MINDY2: variants seen among roughly 807,000 people sequenced by gnomAD.
The protein encoded by MINDY2 is ubiquitin carboxyl-terminal hydrolase MINDY-2.
In MINDY2, 52 loss-of-function variants were observed where a neutral mutation model predicts 68.2. That is an observed-to-expected ratio of 0.76 (90% CI 0.61 to 0.96). The LOEUF (loss-of-function observed/expected upper bound fraction) is 0.96. MINDY2 is among the 40% of genes least tolerant of loss of function. The probability of loss-of-function intolerance (pLI) is 0.00; values close to 1 mark genes in which losing one functional copy is unlikely to be tolerated. For missense variants in MINDY2, 881 were observed against 773.4 expected, an observed-to-expected ratio of 1.14 and a Z score of -1.65; for synonymous variants, 372 against 303.0, an observed-to-expected ratio of 1.23 and a Z score of -2.36.
intron 4 of MINDY2, among the ~76,000 whole-genome samples, chr15:58,816,975 A>AG (rs2030728627): frequency 6.6e-6 from 1 of 151,628 alleles, no homozygotes; most frequent in South Asian, 2.1e-4. Flanking sequence ...ACAAACATGG[A>AG]GGGGGAAAAA....
chr15:58,829,962 C>T (rs2031622575), intron 5 of MINDY2, among the ~76,000 whole-genome samples: 1 of 152,078 alleles, frequency 6.6e-6, no homozygotes, highest in African/African-American at 2.4e-5. Flanking sequence ...AGTTTCATAC[C>T]ACAGATTTAT....
In MINDY2 at chr15:58,794,980, G is replaced by C. The variant is rs1411367159; in HGVS notation, c.898+7017G>C. On this transcript the variant is annotated intron_variant, in intron 2 of 8. Coordinates refer to ENST00000559228, the MANE Select transcript of MINDY2 (RefSeq NM_001040450.3). ...AGGTGGGCTGATCACGAGGTCAGGA[G>C]ATCGAGACCACGGTGAAACCCCGTC... is the stretch of plus-strand genomic sequence containing the variant. 2.0e-5 allele frequency among the ~76,000 whole-genome samples: 3 copies of C among 150,534 alleles called. No individual in the cohort carries two copies. In the South Asian group the frequency reaches 6.3e-4, roughly 32 times the overall value.
chr15:58,774,669 G>A (rs1900668564), intron 1 of MINDY2, among the ~76,000 whole-genome samples: 1 of 152,072 alleles, frequency 6.6e-6, no homozygotes, highest in African/African-American at 2.4e-5. Context: ...ATTATCAAGG[G>A]AAGACTTCAT....
Position 58,858,839 on chromosome 15 carries a change from A to C in MINDY2, c.*4229A>C, listed in dbSNP as rs2140888368. 6.6e-6 allele frequency: 1 copy of C among 152,246 alleles called. No individual in the cohort carries two copies. Among genetic ancestry groups the C allele is most frequent in the Admixed American group, 6.5e-5 (1 of 15,294 alleles). 9.4% of individuals were successfully genotyped at this position (152,246 alleles called of 1,614,324 possible). A position where few individuals can be genotyped will look rare whatever the true frequency, so the allele number is the denominator to read the frequency against. On this transcript the variant is annotated 3_prime_UTR_variant, in exon 9 of 9. Coordinates refer to ENST00000559228, the MANE Select transcript of MINDY2 (RefSeq NM_001040450.3). ...TACAGTTTGTATTTTAAGGAATTGG[A>C]CATGAAGAATTCTAGATCATTTTGT...
chr15:58,819,541 T>A (rs1246556674), intron 4 of MINDY2, among the ~76,000 whole-genome samples: 3 of 151,466 alleles, frequency 2.0e-5, no homozygotes, highest in Non-Finnish European at 4.4e-5. Context: ...GAGACAGGAG[T>A]TTTGCTGTGT....
intron 1 of MINDY2, among the ~76,000 whole-genome samples, chr15:58,785,135 C>CAAAAAAAAAAAAAAAA (rs397719705): frequency 7.3e-5 from 5 of 68,466 alleles, no homozygotes; most frequent in African/African-American, 1.7e-4. Context: ...TGAAGGAAAG[C>CAAAAAAAAAAAAAAAA]AAAAAAAAAA....
intron 7 of MINDY2, among the ~76,000 whole-genome samples, chr15:58,849,362 G>A (rs1374401127): frequency 2.6e-5 from 4 of 151,584 alleles, no homozygotes; most frequent in African/African-American, 9.7e-5. Context: ...AAAATTAGCC[G>A]GGCATGGTGG....
In MINDY2 at chr15:58,859,838, A is replaced by G. The variant is rs2033167977; in HGVS notation, c.*5228A>G. On this transcript the variant is annotated 3_prime_UTR_variant, in exon 9 of 9. Coordinates refer to ENST00000559228, the MANE Select transcript of MINDY2 (RefSeq NM_001040450.3). ...ATGAAGGATTCTACTTTCTAATTTTACTTTTCTGATCTCAAGAAAATTAAA... is the reference window on the plus strand; with the variant it reads ...ATGAAGGATTCTACTTTCTAATTTTGCTTTTCTGATCTCAAGAAAATTAAA... The G allele has an allele frequency of 6.6e-6, 1 of 152,208 alleles. No homozygotes were observed. The highest frequency in any genetic ancestry group is 6.5e-5 in the Admixed American group (1 of 15,280). The allele number at this position is 152,208 out of a possible 1,614,324, so 9.4% of individuals were successfully genotyped here. A position where few individuals can be genotyped will look rare whatever the true frequency, so the allele number is the denominator to read the frequency against.
intron 3 of MINDY2, among the ~76,000 whole-genome samples, chr15:58,804,634 T>C (rs531476892): frequency 6.6e-6 from 1 of 152,026 alleles, no homozygotes; most frequent in Non-Finnish European, 1.5e-5. Context: ...GGCAAAACCC[T>C]GTCTCTACAA....
intron 6 of MINDY2, among the ~76,000 whole-genome samples, chr15:58,838,950 C>T (rs1394007664): frequency 6.6e-6 from 1 of 152,010 alleles, no homozygotes; most frequent in East Asian, 1.9e-4. Context: ...ATATCATTAT[C>T]ATCTCAAGAC....
At position 58,847,417 on chromosome 15, in the gene MINDY2, C is replaced by A. The variant is rs987983754; in HGVS notation, c.1489C>A (p.Pro497Thr). The A allele has an allele frequency of 5.6e-6, 9 of 1,605,980 alleles. No individual in the cohort carries two copies. The highest frequency in any genetic ancestry group is 7.7e-6 in the Non-Finnish European group (9 of 1,174,134). ...CTGTGACTCAGAATTTCATCTTCGA[C>A]CTCCTTCAGATCCTGAAACTGTATA... ...NFCDSEFHLR[P>T]PSDPETVYKG... Residue 497 changes from proline to threonine, a missense_variant, in exon 7 of 9, where the codon CCT becomes ACT. Coordinates refer to ENST00000559228, the MANE Select transcript of MINDY2 (RefSeq NM_001040450.3).
At position 58,771,890 on chromosome 15, in the gene MINDY2, C is replaced by T. The variant is rs775229500; in HGVS notation, c.495C>T (p.Ser165=). The T allele has an allele frequency of 2.5e-6, 4 of 1,569,272 alleles. No individual in the cohort carries two copies. The highest frequency in any genetic ancestry group is 2.2e-5 in the East Asian group (1 of 44,536). The part of the protein sequence containing the change: ...GGLSSSCSDP[S]PPGESPSLDS... Reference sequence around the variant, plus strand: ...TCAGCAGCAGTTGCAGCGACCCGAGCCCTCCTGGGGAATCTCCGAGCCTGG... The same window carrying T: ...TCAGCAGCAGTTGCAGCGACCCGAGTCCTCCTGGGGAATCTCCGAGCCTGG... Residue 165 remains serine (S), a synonymous_variant, in exon 1 of 9, where the codon AGC becomes AGT. Coordinates refer to ENST00000559228, the MANE Select transcript of MINDY2 (RefSeq NM_001040450.3).
intron 1 of MINDY2, among the ~76,000 whole-genome samples, chr15:58,781,914 A>T (rs1039786138): frequency 4.6e-5 from 7 of 152,140 alleles, no homozygotes; most frequent in African/African-American, 1.7e-4. Context: ...AAAAGAAAAA[A>T]AAAAGAAAGA....
chr15:58,803,829 C>A (rs1000617870), intron 3 of MINDY2, among the ~76,000 whole-genome samples: 17 of 150,952 alleles, frequency 1.1e-4, no homozygotes, highest in African/African-American at 4.1e-4. Flanking sequence ...AAATAAGAGG[C>A]CGGGCGTGGT....
chr15:58,776,716 A>C (rs1482506979), intron 1 of MINDY2, among the ~76,000 whole-genome samples: 1 of 152,100 alleles, frequency 6.6e-6, no homozygotes, highest in African/African-American at 2.4e-5. Flanking sequence ...TACAGAGACA[A>C]GGTCACGTTA....
At chr15:58,811,958 G>C (rs1451022512) in intron 4 of MINDY2, among the ~76,000 whole-genome samples, 1 of 152,102 alleles carries the variant, frequency 6.6e-6, no homozygotes, top group Non-Finnish European at 1.5e-5. Context: ...TTAACATAAA[G>C]TAAGATTCAA....
At chr15:58,838,994 A>T (rs1288003085) in intron 6 of MINDY2, among the ~76,000 whole-genome samples, 2 of 152,194 alleles carry the variant, frequency 1.3e-5, no homozygotes, top group Non-Finnish European at 2.9e-5. Context: ...TGATGGCAGG[A>T]CAAAAATGAT....
At chr15:58,825,513 G>A (rs1205008479) in intron 5 of MINDY2, among the ~76,000 whole-genome samples, 6 of 152,178 alleles carry the variant, frequency 3.9e-5, no homozygotes, top group Admixed American at 3.9e-4. Flanking sequence ...AGTACCAGCA[G>A]CCAGACTTCA....
chr15:58,796,262 T>C (rs912826647), intron 2 of MINDY2: 1 of 382,886 alleles, frequency 2.6e-6, no homozygotes, highest in South Asian at 2.0e-5. Context: ...ATAGGAAAGG[T>C]TGTTTGAGGG....
Sources: allele counts gnomAD v4.1 joint callset (sites outside exome capture counted in the v4.1 genomes callset), GRCh38; gene constraint gnomAD v4.1.1; transcripts MANE v1.5; gene names NCBI Gene and HGNC (gene_info 2026-07-23, HGNC 2026-07-21).